XPO1: variants seen among roughly 807,000 people sequenced by gnomAD.
XPO1 encodes the protein exportin-1.
In XPO1, 5 loss-of-function variants were observed where a neutral mutation model predicts 133.3. The observed-to-expected ratio is 0.04, with a 90% CI of 0.02 to 0.08. The LOEUF (loss-of-function observed/expected upper bound fraction) is 0.08. XPO1 is among the 10% of genes least tolerant of loss of function. The pLI, the probability that XPO1 is intolerant of heterozygous loss-of-function variation, is 1.00. For synonymous variants in XPO1, 419 were observed against 408.2 expected (o/e 1.03, Z -0.32); for missense variants, 506 against 1,267.5 (o/e 0.40, Z 9.12).
chr2:61,527,321 CA>C (rs35556629), intron 2 of XPO1, among the ~76,000 whole-genome samples: 48 of 92,638 alleles, frequency 5.2e-4, no homozygotes, highest in Non-Finnish European at 3.9e-4. Context: ...CATGACTCTC[CA>C]AAAAAAAAAA....
At chr2:61,490,600 T>A in intron 17 of XPO1, 42 bp downstream of exon 17, 1 of 1,612,982 alleles carries the variant, frequency 6.2e-7, no homozygotes, top group Non-Finnish European at 8.5e-7. Context: ...CACGTCTTGT[T>A]AAATCCCATG....
In XPO1 at chr2:61,488,873, G is replaced by A. The variant is rs188240436; in HGVS notation, c.2023-102C>T. 7.6e-4 allele frequency: 976 copies of A among 1,280,056 alleles called. 12 individuals are homozygous for A. The Admixed American group carries it at 0.018, about 24-fold the overall frequency. 79.3% of individuals were successfully genotyped at this position (1,280,056 alleles called of 1,614,324 possible). On this transcript the variant is annotated intron_variant, in intron 17 of 24. Coordinates refer to ENST00000401558, the MANE Select transcript of XPO1 (RefSeq NM_003400.4). ...TCCCAGCACTCTGAGAGGCCGAGGC[G>A]GGCGGATGATGAGTTCAGGAGATCG... is the stretch of plus-strand genomic sequence containing the variant.
chr2:61,489,773 C>G (rs1696879720), intron 17 of XPO1, among the ~76,000 whole-genome samples: 1 of 151,976 alleles, frequency 6.6e-6, no homozygotes, highest in African/African-American at 2.4e-5. Context: ...CCATGATGGT[C>G]TCGATCCCCT....
At position 61,492,806 on chromosome 2, in the gene XPO1, A is replaced by AC. The variant is rs759599594; in HGVS notation, c.1385-59_1385-58insG. 1 of 1,575,600 alleles carries AC rather than the reference A, an allele frequency of 6.3e-7. No individual in the cohort carries two copies. The highest frequency in any genetic ancestry group is 1.4e-5 in the African/African-American group (1 of 73,414). On this transcript the variant is annotated intron_variant, in intron 13 of 24. Transcript: ENST00000401558. This position sits in a 1 kb window ranked among gnomAD's most constrained non-coding sequence, Gnocchi z 5.6. Reference sequence around the variant, plus strand: ...AATGAGCAGAATTTTATTGATGAGTAACAATACATTTAGAAAATATTTAGA... The same window carrying AC: ...AATGAGCAGAATTTTATTGATGAGTACACAATACATTTAGAAAATATTTAGA...
chr2:61,517,265 C>A (rs1014023355), intron 4 of XPO1, among the ~76,000 whole-genome samples: 3 of 152,188 alleles, frequency 2.0e-5, no homozygotes, highest in Admixed American at 6.5e-5. Context: ...AGAATCAACA[C>A]CACTGGCAGT....
chr2:61,501,733 A>AAAAAG (rs1417512790), intron 6 of XPO1, among the ~76,000 whole-genome samples: 1 of 137,720 alleles, frequency 7.3e-6, no homozygotes. Context: ...AAAAAAAAAA[A>AAAAAG]AAAAGAAAAG....
chr2:61,497,224 T>C (rs1475907261), intron 9 of XPO1, among the ~76,000 whole-genome samples: 4 of 152,282 alleles, frequency 2.6e-5, no homozygotes, highest in African/African-American at 9.6e-5. Context: ...GCAAACTTTT[T>C]TTGTTTTTTT....
At chr2:61,518,483 G>T (rs1698521199) in intron 4 of XPO1, among the ~76,000 whole-genome samples, 1 of 150,160 alleles carries the variant, frequency 6.7e-6, no homozygotes, top group Admixed American at 6.6e-5. Context: ...CGGGCGTGGT[G>T]GCAGGCGCCT....
At chr2:61,507,567 TCTCTTTAAAAAAAAAA>T (rs1307110996) in intron 4 of XPO1, among the ~76,000 whole-genome samples, 6 of 151,412 alleles carry the variant, frequency 4.0e-5, no homozygotes, top group Middle Eastern at 6.8e-3. Context: ...GGGATCTCTG[TCTCTTTAAAAAAAAAA>T]ATCAAACAAG....
At chr2:61,488,132 C>T (rs2104380291) in intron 19 of XPO1, 33 bp downstream of exon 19, 1 of 1,580,088 alleles carries the variant, frequency 6.3e-7, no homozygotes, top group Non-Finnish European at 8.7e-7. Flanking sequence ...AGCATCAACA[C>T]TAGAAATCAA....
At chr2:61,514,896 G>A (rs1161403574) in intron 4 of XPO1, among the ~76,000 whole-genome samples, 1 of 151,838 alleles carries the variant, frequency 6.6e-6, no homozygotes, top group African/African-American at 2.4e-5. Flanking sequence ...CCAATATGGC[G>A]AAACTCTATT....
intron 22 of XPO1, 73 bp downstream of exon 22, chr2:61,482,884 A>G (rs1430912963): frequency 1.9e-6 from 3 of 1,572,738 alleles, no homozygotes; most frequent in Non-Finnish European, 2.6e-6. Flanking sequence ...CGACCTCCCA[A>G]AGTGCTGGGA....
chr2:61,480,979 A>G (rs1037696114), intron 24 of XPO1, among the ~76,000 whole-genome samples: 6 of 152,230 alleles, frequency 3.9e-5, no homozygotes, highest in African/African-American at 1.4e-4. Flanking sequence ...TCCGAATAAC[A>G]TCTCAAACAT....
At chr2:61,489,697 A>G (rs1696874990) in intron 17 of XPO1, among the ~76,000 whole-genome samples, 1 of 149,794 alleles carries the variant, frequency 6.7e-6, no homozygotes, top group Non-Finnish European at 1.5e-5. Flanking sequence ...TGGGACTTAC[A>G]GGCGCCCGCC....
chr2:61,481,722 G>A (rs1696368711), intron 23 of XPO1, among the ~76,000 whole-genome samples: 2 of 151,984 alleles, frequency 1.3e-5, no homozygotes, highest in Non-Finnish European at 2.9e-5. Flanking sequence ...TTGGATTACA[G>A]GCGTTTGCCA....
At chr2:61,514,158 G>T (rs1573186803) in intron 4 of XPO1, among the ~76,000 whole-genome samples, 2 of 151,476 alleles carry the variant, frequency 1.3e-5, no homozygotes, top group South Asian at 2.1e-4. Context: ...CCACACTCCA[G>T]CTGGGGCAAT....
chr2:61,535,625 A>T (rs1699326567), intron 1 of XPO1, among the ~76,000 whole-genome samples: 1 of 152,178 alleles, frequency 6.6e-6, no homozygotes, highest in Admixed American at 6.5e-5. Context: ...ACAGATTAGA[A>T]CTCCAAAAGA....
At chr2:61,516,104 C>T (rs1369750702) in intron 4 of XPO1, among the ~76,000 whole-genome samples, 7 of 149,606 alleles carry the variant, frequency 4.7e-5, no homozygotes, top group Admixed American at 4.0e-4. Flanking sequence ...CCAGCCTGGG[C>T]GACAGAGCGA....
At chr2:61,515,457 C>A (rs1388899889) in intron 4 of XPO1, among the ~76,000 whole-genome samples, 1 of 152,106 alleles carries the variant, frequency 6.6e-6, no homozygotes, top group Admixed American at 6.6e-5. Flanking sequence ...GAAGGTATTT[C>A]AGAAGGTTCA....
Sources: gnomAD v4.1 joint callset for allele counts (sites outside exome capture counted in the v4.1 genomes callset) on GRCh38, gnomAD v4.1.1 for gene constraint, Gnocchi (gnomAD v3.1) non-coding constraint, MANE v1.5 for transcripts, NCBI Gene and HGNC (gene_info 2026-07-23, HGNC 2026-07-21) for gene names.